STARD13: variants seen among roughly 807,000 people sequenced by gnomAD.
The protein encoded by STARD13 is stAR-related lipid transfer protein 13.
In STARD13, 62 loss-of-function variants were observed where a neutral mutation model predicts 106.4. The observed-to-expected ratio is 0.58, with a 90% CI of 0.48 to 0.72. The LOEUF (loss-of-function observed/expected upper bound fraction) is 0.72. STARD13 is among the 30% of genes least tolerant of loss of function. The pLI, the probability that STARD13 is intolerant of heterozygous loss-of-function variation, is 0.00. For missense variants in STARD13, 1,387 were observed against 1,424.0 expected (o/e 0.97, Z 0.42); for synonymous variants, 565 against 553.0 (o/e 1.02, Z -0.31).
At chr13:33,421,610 C>T in the STARD13 span, among the ~76,000 whole-genome samples, 1 of 152,266 alleles carries the variant, frequency 6.6e-6, no homozygotes, top group Non-Finnish European at 1.5e-5. Flanking sequence ...CCAACATCAT[C>T]CTGATACCAC....
At chr13:33,431,249 CTG>C in the STARD13 span, among the ~76,000 whole-genome samples, 55 of 152,056 alleles carry the variant, frequency 3.6e-4, no homozygotes, top group African/African-American at 1.3e-3. Context: ...TGTGGCAAGT[CTG>C]AATTAAGATG....
the STARD13 span, among the ~76,000 whole-genome samples, chr13:33,369,862 G>T: frequency 1.3e-5 from 2 of 152,056 alleles, no homozygotes; most frequent in Non-Finnish European, 2.9e-5. Flanking sequence ...AAGAAATATC[G>T]ATCAGTTCAT....
the STARD13 span, among the ~76,000 whole-genome samples, chr13:33,660,733 G>A: frequency 6.6e-6 from 1 of 152,174 alleles, no homozygotes; most frequent in Non-Finnish European, 1.5e-5. Context: ...AGAGGTGAGA[G>A]CCACCATGTC....
the STARD13 span, among the ~76,000 whole-genome samples, chr13:33,505,067 G>A: frequency 6.6e-6 from 1 of 152,182 alleles, no homozygotes; most frequent in East Asian, 1.9e-4. Context: ...TCCTAAGTCT[G>A]TGAGTTTACA....
chr13:33,163,605 A>AAAC (rs1555239808), intron 3 of STARD13, among the ~76,000 whole-genome samples: 40 of 97,598 alleles, frequency 4.1e-4, no homozygotes, highest in East Asian at 1.7e-3. Context: ...AAAAAAAAAA[A>AAAC]ATATATATAT....
At chr13:33,321,778 C>T (rs1410121963) in intron 1 of STARD13, among the ~76,000 whole-genome samples, 2 of 152,170 alleles carry the variant, frequency 1.3e-5, no homozygotes, top group African/African-American at 4.8e-5. Flanking sequence ...TCTCTCTCCA[C>T]CCAAGCCCAA....
the STARD13 span, among the ~76,000 whole-genome samples, chr13:33,571,268 G>A: frequency 1.3e-5 from 2 of 152,128 alleles, no homozygotes; most frequent in Non-Finnish European, 2.9e-5. Context: ...TATAATTCAT[G>A]TTGTGCCCTA....
At chr13:33,423,176 A>T in the STARD13 span, among the ~76,000 whole-genome samples, 2 of 152,222 alleles carry the variant, frequency 1.3e-5, no homozygotes, top group African/African-American at 2.4e-5. Flanking sequence ...ATGGGAGAAA[A>T]GTTTTGCAAT....
the STARD13 span, among the ~76,000 whole-genome samples, chr13:33,395,103 T>A: frequency 6.6e-6 from 1 of 152,314 alleles, no homozygotes; most frequent in South Asian, 2.1e-4. Flanking sequence ...AATTAACACA[T>A]GGGTGGGCAG....
the STARD13 span, among the ~76,000 whole-genome samples, chr13:33,443,221 C>CA: frequency 5.0e-3 from 765 of 151,784 alleles, 6 homozygotes; most frequent in Middle Eastern, 0.017. Flanking sequence ...ACTAAAAATA[C>CA]AAAAAATTAG....
At chr13:33,482,374 T>C in the STARD13 span, among the ~76,000 whole-genome samples, 1 of 152,210 alleles carries the variant, frequency 6.6e-6, no homozygotes, top group African/African-American at 2.4e-5. Context: ...TTTAACAGTT[T>C]TTAACAGGTG....
chr13:33,263,572 C>T (rs758032121), intron 1 of STARD13, among the ~76,000 whole-genome samples: 85 of 152,214 alleles, frequency 5.6e-4, no homozygotes, highest in Admixed American at 2.7e-3. Context: ...TCCTGTTTCA[C>T]GGGGTTTGTA....
chr13:33,196,611 C>T (rs535796576), intron 1 of STARD13, among the ~76,000 whole-genome samples: 64 of 152,154 alleles, frequency 4.2e-4, no homozygotes, highest in African/African-American at 1.4e-3. Flanking sequence ...GTGCGGCAGC[C>T]GACATGGACT....
chr13:33,523,971 G>C, the STARD13 span, among the ~76,000 whole-genome samples: 2 of 152,060 alleles, frequency 1.3e-5, no homozygotes, highest in Admixed American at 6.6e-5. Context: ...ACAATCCACT[G>C]CCATGGTTAC....
In STARD13 at chr13:33,181,267, TACATACAC is replaced by T. The variant is rs1308678194; in HGVS notation, c.170-13653_170-13646del. Among the ~76,000 whole-genome samples, 4 of 142,310 alleles carry T rather than the reference TACATACAC, an allele frequency of 2.8e-5. No homozygotes were observed. In the South Asian group the frequency reaches 6.4e-4, roughly 23 times the overall value. The allele number at this position is 142,310 out of a possible 152,430, so 93.4% of individuals were successfully genotyped here. A position where few individuals can be genotyped will look rare whatever the true frequency, so the allele number is the denominator to read the frequency against. On this transcript the variant is annotated intron_variant, in intron 1 of 13. Coordinates refer to ENST00000336934, the MANE Select transcript of STARD13 (RefSeq NM_178006.4). ...TCTATCTCTGTCTTTCACTCACACA[TACATACAC>T]ACACACACACACACACACACATATT...
the STARD13 span, among the ~76,000 whole-genome samples, chr13:33,366,122 TATC>T: frequency 6.6e-6 from 1 of 152,224 alleles, no homozygotes; most frequent in Non-Finnish European, 1.5e-5. This position sits in a 1 kb window ranked among gnomAD's most constrained non-coding sequence, Gnocchi z 4.2. Flanking sequence ...CTAGGTATAG[TATC>T]ATAGATACAG....
chr13:33,505,536 T>A, the STARD13 span, among the ~76,000 whole-genome samples: 1 of 152,168 alleles, frequency 6.6e-6, no homozygotes, highest in African/African-American at 2.4e-5. Flanking sequence ...TTTTAAATAA[T>A]TCTTAAACAA....
At chr13:33,166,134 T>G (rs1238195587) in intron 2 of STARD13, among the ~76,000 whole-genome samples, 1 of 152,310 alleles carries the variant, frequency 6.6e-6, no homozygotes, top group East Asian at 1.9e-4. Flanking sequence ...TTATCTCATC[T>G]TGTATTTTGT....
At chr13:33,593,211 G>A in the STARD13 span, among the ~76,000 whole-genome samples, 4 of 151,956 alleles carry the variant, frequency 2.6e-5, no homozygotes, top group Non-Finnish European at 5.9e-5. Flanking sequence ...TTGATACAGA[G>A]TCTTGCTCTG....
Sources: allele counts gnomAD v4.1 joint callset (sites outside exome capture counted in the v4.1 genomes callset), GRCh38; gene constraint gnomAD v4.1.1; non-coding constraint Gnocchi (gnomAD v3.1); transcripts MANE v1.5; gene names NCBI Gene and HGNC (gene_info 2026-07-23, HGNC 2026-07-21).